TBL1XR1: variants seen among roughly 807,000 people sequenced by gnomAD.
TBL1XR1 encodes the protein TBL1X/Y related 1, also known as F-box-like/WD repeat-containing protein TBL1XR1.
TBL1XR1 carries 5 observed loss-of-function variants against 66.9 expected under a neutral mutation model. The observed-to-expected ratio is 0.07, with a 90% CI of 0.04 to 0.16. TBL1XR1 has a LOEUF of 0.16. Among genes scored for constraint, TBL1XR1 ranks in the 10% least tolerant of loss-of-function variants. The probability of loss-of-function intolerance (pLI) is 1.00; values close to 1 mark genes in which losing one functional copy is unlikely to be tolerated. For missense variants in TBL1XR1, 238 were observed against 623.2 expected (o/e 0.38, Z 6.58); for synonymous variants, 210 against 206.0 (o/e 1.02, Z -0.17).
At chr3:177,104,476 C>A (rs1288050097) in intron 1 of TBL1XR1, among the ~76,000 whole-genome samples, 2 of 152,142 alleles carry the variant, frequency 1.3e-5, no homozygotes, top group Admixed American at 6.5e-5. Flanking sequence ...TGGAATTACA[C>A]ATACAGATAA....
intron 1 of TBL1XR1, chr3:177,131,370 C>T: frequency 6.1e-6 from 6 of 985,452 alleles, no homozygotes; most frequent in Non-Finnish European, 7.2e-6. Context: ...CACTTTTACA[C>T]CCATTCCTTA....
intron 10 of TBL1XR1, 51 bp downstream of exon 10, chr3:177,046,078 T>G (rs1716291636): frequency 2.9e-6 from 4 of 1,388,890 alleles, no homozygotes; most frequent in Admixed American, 2.6e-5. Context: ...AAAGTTTAAT[T>G]AGAAAAACAG....
chr3:177,193,178 T>A (rs1010210075), intron 1 of TBL1XR1, among the ~76,000 whole-genome samples: 5 of 151,824 alleles, frequency 3.3e-5, no homozygotes, highest in African/African-American at 4.8e-5. Flanking sequence ...AATAAAATTT[T>A]AAAAAATAAA....
Position 177,096,335 on chromosome 3 carries a change from T to TACACACACACACACACACAC in TBL1XR1, c.-46+2130_-46+2131insGTGTGTGTGTGTGTGTGTGT, listed in dbSNP as rs6148210. On this transcript the variant is annotated intron_variant, in intron 2 of 15. Coordinates refer to ENST00000457928, the MANE Select transcript of TBL1XR1 (RefSeq NM_024665.7). Reference sequence around the variant, plus strand: ...TCTAACACACACTAACATACATACATACACACACACACACACACTTAAATT... The same window carrying TACACACACACACACACACAC: ...TCTAACACACACTAACATACATACATACACACACACACACACACACACACACACACACACACACTTAAATT... Among the ~76,000 whole-genome samples, 356 of 150,300 alleles carry TACACACACACACACACACAC rather than the reference T, an allele frequency of 2.4e-3. 3 individuals carry two copies. Among genetic ancestry groups the TACACACACACACACACACAC allele is most frequent in the South Asian group, 6.6e-3 (31 of 4,676 alleles).
At chr3:177,173,977 T>C (rs547802719) in intron 1 of TBL1XR1, among the ~76,000 whole-genome samples, 1 of 152,158 alleles carries the variant, frequency 6.6e-6, no homozygotes, top group Non-Finnish European at 1.5e-5. Flanking sequence ...TTTAGAAGTG[T>C]TGTCAAAATA....
chr3:177,023,443 T>C lies in TBL1XR1; in HGVS notation c.*2055A>G, dbSNP rs1712652632. 6.6e-6 allele frequency: 1 copy of C among 152,496 alleles called. No homozygotes were observed. Among genetic ancestry groups the C allele is most frequent in the Non-Finnish European group, 1.5e-5 (1 of 67,966 alleles). 9.4% of individuals were successfully genotyped at this position (152,496 alleles called of 1,614,324 possible). ...CAGCATATTAGGTTTCCTACGTAAG[T>C]CACAGGGTAATATGTTCTAAATATC... is the stretch of plus-strand genomic sequence containing the variant. On this transcript the variant is annotated 3_prime_UTR_variant, in exon 16 of 16. Coordinates refer to ENST00000457928, the MANE Select transcript of TBL1XR1 (RefSeq NM_024665.7).
chr3:177,122,256 C>T (rs1394030127), intron 1 of TBL1XR1, among the ~76,000 whole-genome samples: 1 of 148,594 alleles, frequency 6.7e-6, no homozygotes, highest in Non-Finnish European at 1.5e-5. Context: ...AATATTCCCT[C>T]CTCCTCTAAT....
intron 10 of TBL1XR1, among the ~76,000 whole-genome samples, chr3:177,039,156 C>T (rs1715221960): frequency 6.6e-6 from 1 of 152,080 alleles, no homozygotes; most frequent in Admixed American, 6.6e-5. Context: ...AGACTTGGGT[C>T]CCATCCCCAT....
intron 1 of TBL1XR1, among the ~76,000 whole-genome samples, chr3:177,162,366 G>A (rs1465839852): frequency 6.6e-6 from 1 of 152,184 alleles, no homozygotes; most frequent in Non-Finnish European, 1.5e-5. Context: ...ATGGACAAGG[G>A]AGCCTGCCTG....
At chr3:177,052,144 T>G (rs1361485978) in intron 4 of TBL1XR1, among the ~76,000 whole-genome samples, 1 of 152,200 alleles carries the variant, frequency 6.6e-6, no homozygotes, top group Admixed American at 6.6e-5. Flanking sequence ...ACTAAAAACT[T>G]TGAGCTGAAG....
At chr3:177,157,568 C>T (rs1731667856) in intron 1 of TBL1XR1, among the ~76,000 whole-genome samples, 1 of 152,286 alleles carries the variant, frequency 6.6e-6, no homozygotes, top group Admixed American at 6.5e-5. Context: ...TGGCATCACT[C>T]TCTGCATCAA....
chr3:177,112,096 TATATATATA>T (rs1725682586), intron 1 of TBL1XR1, among the ~76,000 whole-genome samples: 2 of 51,370 alleles, frequency 3.9e-5, no homozygotes, highest in Non-Finnish European at 6.8e-5. Flanking sequence ...TATATATATA[TATATATATA>T]TATTTTTTTT....
At chr3:177,201,315 G>A (rs1227410046), upstream of TBL1XR1, among the ~76,000 whole-genome samples, 3 of 150,190 alleles carry the variant, frequency 2.0e-5, no homozygotes, top group Non-Finnish European at 4.4e-5. Context: ...GGAGGCTGAG[G>A]CAGAAGAATG....
chr3:177,189,663 A>AAAAAAAAAAAAAAAAAAAAAAAAAAG (rs1560282454), intron 1 of TBL1XR1, among the ~76,000 whole-genome samples: 4 of 49,456 alleles, frequency 8.1e-5, no homozygotes, highest in African/African-American at 2.3e-4. Flanking sequence ...AAAAAAAAAA[A>AAAAAAAAAAAAAAAAAAAAAAAAAAG]AAGAAGGATG....
intron 1 of TBL1XR1, among the ~76,000 whole-genome samples, chr3:177,110,328 T>C (rs1725396979): frequency 6.6e-6 from 1 of 152,246 alleles, no homozygotes. Flanking sequence ...GAATGTCTAA[T>C]GACTTAAGCC....
chr3:177,132,345 T>C (rs75953064), intron 1 of TBL1XR1, among the ~76,000 whole-genome samples: 2,490 of 152,262 alleles, frequency 0.016, 74 homozygotes, highest in East Asian at 0.057. Flanking sequence ...AGGGGGACAA[T>C]TGAACCTCAC....
At chr3:177,155,789 C>T (rs1322540492) in intron 1 of TBL1XR1, among the ~76,000 whole-genome samples, 2 of 152,110 alleles carry the variant, frequency 1.3e-5, no homozygotes, top group African/African-American at 4.8e-5. Context: ...GAGGGCGGAT[C>T]CCCTGAGGTC....
rs1712096353 is a variant in TBL1XR1, at chr3:177,019,558, A to G, written c.*5940T>C. 2 of 152,206 alleles carry G rather than the reference A, an allele frequency of 1.3e-5. No homozygotes were observed. 9.4% of individuals were successfully genotyped at this position (152,206 alleles called of 1,614,324 possible). A position where few individuals can be genotyped will look rare whatever the true frequency, so the allele number is the denominator to read the frequency against. On this transcript the variant is annotated 3_prime_UTR_variant, in exon 16 of 16. Transcript: ENST00000457928. The stretch of plus-strand genomic sequence containing the variant: ...CTTTGGTACAGCAGAGAAAAGCACC[A>G]TAAAACTACCATCTAAAGTGTCTTT...
intron 1 of TBL1XR1, among the ~76,000 whole-genome samples, chr3:177,108,250 G>C (rs1329581489): frequency 1.3e-5 from 2 of 152,054 alleles, no homozygotes; most frequent in Non-Finnish European, 2.9e-5. Flanking sequence ...TCTATGAAAA[G>C]GAAATTTTCT....
Sources: gnomAD v4.1 joint callset for allele counts (sites outside exome capture counted in the v4.1 genomes callset) on GRCh38, gnomAD v4.1.1 for gene constraint, MANE v1.5 for transcripts, NCBI Gene and HGNC (gene_info 2026-07-23, HGNC 2026-07-21) for gene names.